RBMS3: variants seen among roughly 807,000 people sequenced by gnomAD.
The protein encoded by RBMS3 is RNA binding motif single stranded interacting protein 3, also known as RNA-binding motif, single-stranded-interacting protein 3.
A neutral mutation model predicts 66.8 loss-of-function variants in RBMS3; 27 were observed. The ratio of observed to expected loss-of-function variants is 0.40; its 90% confidence interval spans 0.30 to 0.56. The LOEUF (loss-of-function observed/expected upper bound fraction) is 0.56. Among genes scored for constraint, RBMS3 ranks in the 20% least tolerant of loss-of-function variants. The pLI is 0.40. For synonymous variants in RBMS3, 188 were observed against 183.0 expected (o/e 1.03, Z -0.22); for missense variants, 513 against 549.5 (o/e 0.93, Z 0.66).
chr3:29,602,405 C>CATAT (rs1188896570), intron 4 of RBMS3, among the ~76,000 whole-genome samples: 1 of 152,020 alleles, frequency 6.6e-6, no homozygotes, highest in Non-Finnish European at 1.5e-5. Flanking sequence ...GTAACTTGTG[C>CATAT]ATATGGTAAA....
In RBMS3 at chr3:29,409,173, A is replaced by T. The variant is rs933975305; in HGVS notation, c.76-25570A>T. Among the ~76,000 whole-genome samples the T allele has an allele frequency of 8.6e-5, 9 of 104,162 alleles. No homozygotes were observed. In the South Asian group the frequency reaches 1.2e-3, roughly 14 times the overall value. 68.3% of individuals were successfully genotyped at this position (104,162 alleles called of 152,430 possible). On this transcript the variant is annotated intron_variant, in intron 1 of 14. Transcript: ENST00000383767. Reference sequence around the variant, plus strand: ...TTCTGTATAACAAATAGAAATAGATAAAAAAAAGTAGCTAAAAACAATAAC... The same window carrying T: ...TTCTGTATAACAAATAGAAATAGATTAAAAAAAGTAGCTAAAAACAATAAC...
intron 5 of RBMS3, among the ~76,000 whole-genome samples, chr3:29,753,232 C>T (rs1292268630): frequency 6.6e-6 from 1 of 152,102 alleles, no homozygotes; most frequent in Non-Finnish European, 1.5e-5. Context: ...ATGTGAAAAA[C>T]AGGCAGTGCA....
intron 4 of RBMS3, among the ~76,000 whole-genome samples, chr3:29,674,607 A>G (rs2051153676): frequency 6.6e-6 from 1 of 151,852 alleles, no homozygotes; most frequent in African/African-American, 2.4e-5. Context: ...CTATACACCA[A>G]TAATAGACAG....
intron 10 of RBMS3, among the ~76,000 whole-genome samples, chr3:29,913,844 A>C (rs2060575509): frequency 6.6e-6 from 1 of 151,972 alleles, no homozygotes; most frequent in Non-Finnish European, 1.5e-5. Context: ...TACTGAAAAA[A>C]TCATTATGCT....
intron 12 of RBMS3, among the ~76,000 whole-genome samples, chr3:29,948,710 C>G (rs1695483173): frequency 6.6e-6 from 1 of 151,748 alleles, no homozygotes; most frequent in South Asian, 2.1e-4. Context: ...GGCTCAAATA[C>G]CGTGCATTTA....
chr3:29,390,762 G>T (rs1172856569), intron 1 of RBMS3: 1 of 153,242 alleles, frequency 6.5e-6, no homozygotes, highest in African/African-American at 2.4e-5. Flanking sequence ...CATAACATTT[G>T]TTAGAATTTC....
intron 1 of RBMS3, among the ~76,000 whole-genome samples, chr3:29,350,302 T>G (rs2036835237): frequency 6.6e-6 from 1 of 152,204 alleles, no homozygotes; most frequent in Non-Finnish European, 1.5e-5. Flanking sequence ...TAATTGGTTG[T>G]TTTTTGTTTG....
At chr3:29,315,386 C>T (rs1260126471) in intron 1 of RBMS3, among the ~76,000 whole-genome samples, 1 of 151,694 alleles carries the variant, frequency 6.6e-6, no homozygotes, top group Non-Finnish European at 1.5e-5. Flanking sequence ...AAAACCTCAT[C>T]CTCATTATAT....
At chr3:29,609,988 T>A (rs1000612807) in intron 4 of RBMS3, among the ~76,000 whole-genome samples, 5 of 152,102 alleles carry the variant, frequency 3.3e-5, no homozygotes, top group African/African-American at 1.2e-4. Context: ...TTTGCATGTA[T>A]GCTGCTAAAA....
chr3:29,993,525 T>C (rs1304049834), intron 14 of RBMS3, among the ~76,000 whole-genome samples: 1 of 152,168 alleles, frequency 6.6e-6, no homozygotes, highest in Non-Finnish European at 1.5e-5. Flanking sequence ...GGTTAATATT[T>C]GAATCAGTTA....
chr3:29,443,846 G>A (rs769619590), intron 2 of RBMS3, among the ~76,000 whole-genome samples: 8 of 152,094 alleles, frequency 5.3e-5, no homozygotes, highest in Non-Finnish European at 8.8e-5. Flanking sequence ...AATGGCATAT[G>A]ACAAAAGGGT....
At chr3:29,952,001 G>T (rs1444150661) in intron 12 of RBMS3, among the ~76,000 whole-genome samples, 1 of 151,690 alleles carries the variant, frequency 6.6e-6, no homozygotes, top group South Asian at 2.1e-4. Flanking sequence ...ATGTTGCTTT[G>T]CTACACTTAT....
rs902378594 is a variant in RBMS3 at position 29,281,578 on chromosome 3, C to T, written c.-104C>T. On this transcript the variant is annotated 5_prime_UTR_variant, in exon 1 of 15. Coordinates refer to ENST00000383767, the MANE Select transcript of RBMS3 (RefSeq NM_001003793.3). ...AGTGGTGGAGTCTCTGAAGCCTCAT[C>T]AGTCACCGGGACTGTCAGGAATAGT... is the stretch of plus-strand genomic sequence containing the variant. The T allele has an allele frequency of 1.2e-6, 1 of 853,362 alleles. No homozygotes were observed. Among genetic ancestry groups the T allele is most frequent in the South Asian group, 1.5e-5 (1 of 67,638 alleles). The allele number at this position is 853,362 out of a possible 1,614,324, so 52.9% of individuals were successfully genotyped here.
rs35902 is a variant in RBMS3 at position 29,547,488 on chromosome 3, G to A, written c.308-39626G>A. 5.0e-3 allele frequency among the ~76,000 whole-genome samples: 750 copies of A among 150,926 alleles called. 7 individuals carry two copies. Among genetic ancestry groups the A allele is most frequent in the South Asian group, 0.013 (64 of 4,754 alleles). On this transcript the variant is annotated intron_variant, in intron 3 of 14. Transcript: ENST00000383767. ...TGGAAAATAAAAAAATCCTCCCCCC[G>A]CCCCACCATTATTATAAGCTCCATT...
At chr3:29,857,240 T>TAA (rs2059100454) in intron 6 of RBMS3, among the ~76,000 whole-genome samples, 2 of 152,174 alleles carry the variant, frequency 1.3e-5, no homozygotes. Flanking sequence ...TGAGATGTGT[T>TAA]TTCTTGACCT....
At chr3:29,456,260 C>G (rs546130008) in intron 2 of RBMS3, among the ~76,000 whole-genome samples, 3 of 152,166 alleles carry the variant, frequency 2.0e-5, no homozygotes, top group African/African-American at 7.2e-5. Context: ...CTTTATTTAT[C>G]TTGAGTGTTT....
At chr3:29,956,487 T>C (rs1405287816) in intron 12 of RBMS3, among the ~76,000 whole-genome samples, 2 of 152,080 alleles carry the variant, frequency 1.3e-5, no homozygotes, top group African/African-American at 4.8e-5. Flanking sequence ...CCTTGTGGTA[T>C]TAAAGCTCAA....
rs767392865 is a variant in RBMS3 at position 29,769,486 on chromosome 3, G to A, written c.637+6497G>A. Among the ~76,000 whole-genome samples the A allele has an allele frequency of 3.3e-5, 5 of 151,924 alleles. No individual in the cohort carries two copies. The East Asian group carries it at 7.8e-4, about 24-fold the overall frequency. On this transcript the variant is annotated intron_variant, in intron 6 of 14. Coordinates refer to ENST00000383767, the MANE Select transcript of RBMS3 (RefSeq NM_001003793.3). ...TTTAGTCGAGCAGCTGGAGGCTTAC[G>A]ATTAGAAGGTTGGAAGGTCTTTCAC...
In RBMS3 at chr3:29,944,986, ATCT is replaced by A. The variant is rs1258486814; in HGVS notation, c.1098+737_1098+739del. Among the ~76,000 whole-genome samples, 9 of 151,870 alleles carry A rather than the reference ATCT, an allele frequency of 5.9e-5. No homozygotes were observed. In the South Asian group the frequency reaches 8.3e-4, roughly 14 times the overall value. ...TGGATTTTTATTTTGAACTGCACAG[ATCT>A]TCTTGTGCTTTCATTTTGATTTTGA... is the stretch of plus-strand genomic sequence containing the variant. On this transcript the variant is annotated intron_variant, in intron 12 of 14. Coordinates refer to ENST00000383767, the MANE Select transcript of RBMS3 (RefSeq NM_001003793.3).
Sources: allele counts gnomAD v4.1 joint callset (sites outside exome capture counted in the v4.1 genomes callset), GRCh38; gene constraint gnomAD v4.1.1; transcripts MANE v1.5; gene names NCBI Gene and HGNC (gene_info 2026-07-23, HGNC 2026-07-21).